The following CTNNA3 variants were observed in gnomAD, a reference collection of about 807,000 sequenced individuals.
The protein encoded by CTNNA3 is catenin alpha 3, also known as catenin alpha-3.
Under a neutral mutation model 95.7 loss-of-function variants are expected in CTNNA3, and 76 were observed. The ratio of observed to expected loss-of-function variants is 0.79; its 90% CI spans 0.66 to 0.96. The LOEUF (loss-of-function observed/expected upper bound fraction) is 0.96, where lower values mean the gene tolerates loss of function less well. Ranked by LOEUF, CTNNA3 falls within the 40% of genes least tolerant of loss-of-function variation. The probability of loss-of-function intolerance (pLI) is 0.00; values close to 1 mark genes in which losing one functional copy is unlikely to be tolerated. For missense variants in CTNNA3, 1,191 were observed against 1,089.8 expected, an observed-to-expected ratio of 1.09 and a Z score of -1.31; for synonymous variants, 431 against 374.4, an observed-to-expected ratio of 1.15 and a Z score of -1.74.
intron 15 of CTNNA3, 142 bp from the exon 16 acceptor site, chr10:65,988,939 G>T: frequency 1.7e-6 from 1 of 595,392 alleles, no homozygotes; most frequent in Non-Finnish European, 2.9e-6. Context: ...AACGGCTATT[G>T]TTTTTGTGAT....
chr10:66,287,666 C>T (rs1241564118), intron 12 of CTNNA3, among the ~76,000 whole-genome samples: 1 of 151,684 alleles, frequency 6.6e-6, no homozygotes, highest in Non-Finnish European at 1.5e-5. Flanking sequence ...GGCTAGATAC[C>T]AAAGGAAAAA....
chr10:67,140,880 C>T (rs926946419), intron 7 of CTNNA3, among the ~76,000 whole-genome samples: 1 of 152,180 alleles, frequency 6.6e-6, no homozygotes, highest in Non-Finnish European at 1.5e-5. Flanking sequence ...TACAAGACAG[C>T]ATTGCTACAT....
chr10:66,058,351 A>C (rs1459511294), intron 15 of CTNNA3, among the ~76,000 whole-genome samples: 2 of 152,144 alleles, frequency 1.3e-5, no homozygotes, highest in Non-Finnish European at 2.9e-5. Flanking sequence ...AATGCTTTGT[A>C]AATGCAAGCT....
intron 5 of CTNNA3, among the ~76,000 whole-genome samples, chr10:67,223,617 C>T (rs906189517): frequency 6.6e-5 from 10 of 152,264 alleles, no homozygotes; most frequent in Non-Finnish European, 1.5e-4. Context: ...AGAGAAGTAA[C>T]ATATGAGTTT....
At chr10:66,589,308 A>G (rs572721090) in intron 10 of CTNNA3, among the ~76,000 whole-genome samples, 1 of 152,066 alleles carries the variant, frequency 6.6e-6, no homozygotes, top group South Asian at 2.1e-4. Context: ...AGGGGTGGGA[A>G]GTTCCCTAGC....
chr10:66,147,678 A>G (rs2083968731), intron 13 of CTNNA3, among the ~76,000 whole-genome samples: 1 of 141,298 alleles, frequency 7.1e-6, no homozygotes, highest in South Asian at 2.2e-4. Context: ...ACCTTTCAAT[A>G]TATATCTATA....
intron 11 of CTNNA3, among the ~76,000 whole-genome samples, chr10:66,414,854 C>A (rs775079844): frequency 1.3e-5 from 2 of 152,126 alleles, no homozygotes; most frequent in African/African-American, 2.4e-5. Context: ...CCATCCCCAG[C>A]AAACTGCACA....
intron 1 of CTNNA3, among the ~76,000 whole-genome samples, chr10:67,662,908 T>C (rs1372373802): frequency 2.0e-5 from 3 of 152,232 alleles, no homozygotes; most frequent in Non-Finnish European, 4.4e-5. Flanking sequence ...TGTGTTCATC[T>C]CTTATCCCAG....
At chr10:67,230,690 A>ACT (rs781643290) in intron 5 of CTNNA3, among the ~76,000 whole-genome samples, 3 of 152,240 alleles carry the variant, frequency 2.0e-5, no homozygotes, top group Non-Finnish European at 4.4e-5. Flanking sequence ...GCTGAATAGG[A>ACT]ACAGCTCGGT....
At position 67,345,885 on chromosome 10, in the gene CTNNA3, G is replaced by GT. The variant is rs1842395390; in HGVS notation, c.580-126016dup. On this transcript the variant is annotated intron_variant, in intron 5 of 17. Coordinates refer to ENST00000433211, the MANE Select transcript of CTNNA3 (RefSeq NM_013266.4). ...CCATTTTGTTGTTTGTTTTCTAGTT[G>GT]TTTTGTGGTCTTCTCTTCCTTCTTT... Among the ~76,000 whole-genome samples the GT allele has an allele frequency of 2.6e-5, 4 of 152,142 alleles. No homozygotes were observed. In the South Asian group the frequency reaches 8.3e-4, roughly 32 times the overall value.
At chr10:66,319,289 T>C (rs373886849) in intron 12 of CTNNA3, among the ~76,000 whole-genome samples, 10 of 152,224 alleles carry the variant, frequency 6.6e-5, no homozygotes, top group South Asian at 2.1e-4. Context: ...ACATGTCCCA[T>C]AGAGCTACTT....
chr10:66,955,027 T>C (rs1243183994), intron 7 of CTNNA3, among the ~76,000 whole-genome samples: 3 of 152,190 alleles, frequency 2.0e-5, no homozygotes, highest in Admixed American at 6.6e-5. Context: ...CACATTAACA[T>C]ATATAGCATT....
At position 67,343,005 on chromosome 10, in the gene CTNNA3, T is replaced by C. The variant is rs547172735; in HGVS notation, c.580-123135A>G. 2.6e-5 allele frequency among the ~76,000 whole-genome samples: 4 copies of C among 152,284 alleles called. No homozygotes were observed. The East Asian group carries it at 7.7e-4, about 29-fold the overall frequency. ...TCTTGCTCTATCACCCAGGCTAGAG[T>C]ACAGTGGCACGATCTTGGCTCACTG... On this transcript the variant is annotated intron_variant, in intron 5 of 17. Transcript: ENST00000433211.
At chr10:67,307,483 T>TTTGG (rs368282908) in intron 5 of CTNNA3, among the ~76,000 whole-genome samples, 4,683 of 151,308 alleles carry the variant, frequency 0.031, 97 homozygotes, top group South Asian at 0.096. Context: ...TGTTTGTTTG[T>TTTGG]TTGGTTGGTT....
At chr10:67,549,553 T>TTCTTAACC (rs1840953923) in intron 3 of CTNNA3, among the ~76,000 whole-genome samples, 1 of 152,208 alleles carries the variant, frequency 6.6e-6, no homozygotes, top group South Asian at 2.1e-4. Flanking sequence ...AAACTTGAGA[T>TTCTTAACC]TCTTAACAAG....
intron 10 of CTNNA3, among the ~76,000 whole-genome samples, chr10:66,570,216 C>A (rs1444491841): frequency 6.6e-6 from 1 of 152,104 alleles, no homozygotes; most frequent in Non-Finnish European, 1.5e-5. Context: ...AGACCTAAAT[C>A]CCACAGAAAA....
intron 14 of CTNNA3, among the ~76,000 whole-genome samples, chr10:66,073,738 T>C (rs907227472): frequency 3.9e-5 from 6 of 152,096 alleles, no homozygotes; most frequent in African/African-American, 1.4e-4. Flanking sequence ...TGCTACTGCT[T>C]GATTCAATCT....
chr10:66,639,154 A>G (rs1167288761), intron 9 of CTNNA3, among the ~76,000 whole-genome samples: 1 of 151,810 alleles, frequency 6.6e-6, no homozygotes, highest in Non-Finnish European at 1.5e-5. Flanking sequence ...GGGAGCCACA[A>G]ATTCATGAGG....
intron 7 of CTNNA3, among the ~76,000 whole-genome samples, chr10:66,903,064 C>G (rs11497948): frequency 0.084 from 12,821 of 151,998 alleles, 643 homozygotes; most frequent in African/African-American, 0.14. Flanking sequence ...GCCTGGCAGA[C>G]ACACAACAAA....
Sources: gnomAD v4.1 joint callset for allele counts (sites outside exome capture counted in the v4.1 genomes callset) on GRCh38, gnomAD v4.1.1 for gene constraint, MANE v1.5 for transcripts, NCBI Gene and HGNC (gene_info 2026-07-23, HGNC 2026-07-21) for gene names.